C7: variants seen among roughly 807,000 people sequenced by gnomAD.
C7 encodes the protein complement C7.
A neutral mutation model predicts 104.8 loss-of-function variants in C7; 83 were observed. That is an observed-to-expected ratio of 0.79 (90% CI 0.66 to 0.95). The LOEUF (loss-of-function observed/expected upper bound fraction) is 0.95. Among genes scored for constraint, C7 ranks in the 40% least tolerant of loss-of-function variants. The pLI, the probability that C7 is intolerant of heterozygous loss-of-function variation, is 0.00. For missense variants in C7, 1,070 were observed against 1,011.2 expected, an observed-to-expected ratio of 1.06 and a Z score of -0.79; for synonymous variants, 415 against 360.6, an observed-to-expected ratio of 1.15 and a Z score of -1.71.
intron 1 of C7, among the ~76,000 whole-genome samples, chr5:40,913,500 A>T (rs1739255040): frequency 6.6e-6 from 1 of 151,924 alleles, no homozygotes; most frequent in Non-Finnish European, 1.5e-5. Context: ...TTATTTTTTG[A>T]CATTTTTAAA....
chr5:40,978,579 T>C (rs1406275984), intron 16 of C7, among the ~76,000 whole-genome samples: 1 of 152,194 alleles, frequency 6.6e-6, no homozygotes, highest in Non-Finnish European at 1.5e-5. Context: ...GATGAAAAGA[T>C]AGATTCAAAA....
chr5:40,981,572 A>C lies in C7; in HGVS notation c.2531A>C (p.Ter844SerextTer18). Residue 844 changes from the stop codon to serine, a stop_lost, in exon 18 of 18, where the codon TAG becomes TCG. Coordinates refer to ENST00000313164, the MANE Select transcript of C7 (RefSeq NM_000587.4). ...AGGCCTTGTGCTGCGGAAACCCAGT[A>C]GGCTCCTGGAGGCCCTGGTCAGCTT... ...SIRPCAAETQ* is the reference protein window; with the variant it reads ...SIRPCAAETQS 1 of 1,601,118 alleles carries C rather than the reference A, an allele frequency of 6.2e-7. No individual in the cohort carries two copies. Among genetic ancestry groups the C allele is most frequent in the Non-Finnish European group, 8.5e-7 (1 of 1,170,698 alleles).
chr5:40,939,180 A>G (rs1400503950), intron 6 of C7, among the ~76,000 whole-genome samples: 4 of 152,224 alleles, frequency 2.6e-5, no homozygotes, highest in African/African-American at 9.6e-5. Flanking sequence ...TTGATTATAA[A>G]TAGCAAACAT....
intron 1 of C7, among the ~76,000 whole-genome samples, chr5:40,918,757 A>C (rs1739378897): frequency 6.6e-6 from 1 of 152,112 alleles, no homozygotes; most frequent in Non-Finnish European, 1.5e-5. Context: ...AACAATTGTA[A>C]ATATATATGC....
At chr5:40,910,950 G>A (rs942764221) in intron 1 of C7, 2 of 151,946 alleles carry the variant, frequency 1.3e-5, no homozygotes, top group African/African-American at 4.8e-5. Context: ...TTAAAAACAT[G>A]TTTACAATCA....
intron 14 of C7, among the ~76,000 whole-genome samples, chr5:40,968,565 ATT>A (rs72086343): frequency 3.0e-5 from 2 of 65,956 alleles, no homozygotes; most frequent in African/African-American, 1.1e-4. Context: ...AATTATATAT[ATT>A]TTATATATAT....
In C7 at chr5:40,936,371, G is replaced by A. The variant is rs1408434720; in HGVS notation, c.314G>A (p.Gly105Glu). 2.2e-5 allele frequency: 36 copies of A among 1,613,250 alleles called. No homozygotes were observed. The highest frequency in any genetic ancestry group is 3.1e-5 in the Non-Finnish European group (36 of 1,179,500). ...ATCAGCAAATCATTGGTTTGCAATG[G>A]GGATTCTGACTGTGATGAAGACAGT... Reference protein sequence around the residue: ...QCISKSLVCNGDSDCDEDSAD... With the variant: ...QCISKSLVCNEDSDCDEDSAD... The change falls in exon 5 of 18, where the codon GGG (glycine) becomes GAG (glutamate). Residue 105 changes from glycine (G) to glutamate (E), a missense_variant. By Grantham distance (98) the Gly-to-Glu change is moderately conservative. Transcript: ENST00000313164.
At chr5:40,918,682 A>G in intron 1 of C7, among the ~76,000 whole-genome samples, 1 of 132,764 alleles carries the variant, frequency 7.5e-6, no homozygotes, top group South Asian at 2.2e-4. Context: ...TAAAGTCAAA[A>G]ACTGTAAAAA....
rs202140226 is a variant in C7, at chr5:40,964,843, C to T, written c.1852C>T (p.Arg618Trp). 1.1e-3 allele frequency: 1,719 copies of T among 1,613,624 alleles called. 1 individual carries two copies. The highest frequency in any genetic ancestry group is 1.3e-3 in the Non-Finnish European group (1,552 of 1,179,720). Residue 618 changes from arginine (R) to tryptophan (W), a missense_variant, in exon 14 of 18, where the codon CGG becomes TGG. Arg to Trp is a moderately radical substitution (Grantham distance 101). Transcript: ENST00000313164. ...AGTGGCCAGATGTGGAGAAGATTTACGGTGGCTTGTTGGGGAAATGCATTG... is the reference window on the plus strand; with the variant it reads ...AGTGGCCAGATGTGGAGAAGATTTATGGTGGCTTGTTGGGGAAATGCATTG... ...NPVARCGEDLRWLVGEMHCQK... is the reference protein window; with the variant it reads ...NPVARCGEDLWWLVGEMHCQK...
intron 1 of C7, among the ~76,000 whole-genome samples, chr5:40,915,302 G>A (rs1383405661): frequency 6.6e-6 from 1 of 152,154 alleles, no homozygotes; most frequent in Admixed American, 6.6e-5. Context: ...AGAGGAAAGA[G>A]GCAGCTTGGG....
At chr5:40,971,876 A>G (rs184177226) in intron 14 of C7, 1 of 192,702 alleles carries the variant, frequency 5.2e-6, no homozygotes, top group African/African-American at 2.4e-5. Flanking sequence ...GAGCCCAGGA[A>G]TTTGAGGCTG....
At chr5:40,964,452 A>AATATTGCC in intron 13 of C7, 1 of 203,482 alleles carries the variant, frequency 4.9e-6, no homozygotes, top group Admixed American at 6.0e-5. Context: ...GACAGTGTCC[A>AATATTGCC]AATAATTTTA....
intron 1 of C7, among the ~76,000 whole-genome samples, chr5:40,910,784 T>A (rs1579831105): frequency 7.5e-6 from 1 of 134,124 alleles, no homozygotes; most frequent in African/African-American, 2.8e-5. Flanking sequence ...AAGGTGAGAC[T>A]CTCTCTCAAA....
At chr5:40,925,381 T>C (rs1490406019) in intron 1 of C7, among the ~76,000 whole-genome samples, 4 of 152,218 alleles carry the variant, frequency 2.6e-5, no homozygotes. Context: ...CTCATTTCCA[T>C]CTGAGACTTC....
intron 3 of C7, 116 bp downstream of exon 3, chr5:40,931,255 ATGTT>A (rs1739677972): frequency 2.7e-6 from 2 of 729,144 alleles, no homozygotes; most frequent in South Asian, 3.3e-5. Context: ...TTTGAAAACT[ATGTT>A]TGTAATTTTG....
intron 16 of C7, among the ~76,000 whole-genome samples, chr5:40,978,760 G>T (rs1205440168): frequency 6.6e-6 from 1 of 151,150 alleles, no homozygotes; most frequent in African/African-American, 2.4e-5. Context: ...TGCCCTCCTT[G>T]TCTATCAGCA....
rs35360366 is a variant in C7, at chr5:40,954,877, CAAAAAAAAAAAA to C, written c.1094-493_1094-482del. The C allele has an allele frequency of 8.0e-4, 44 of 54,676 alleles. 1 individual carries two copies. Among genetic ancestry groups the C allele is most frequent in the Middle Eastern group, 0.014 (1 of 74 alleles). The allele number at this position is 54,676 out of a possible 1,614,324, so 3.4% of individuals were successfully genotyped here. On this transcript the variant is annotated intron_variant, in intron 9 of 17. Transcript: ENST00000313164. The stretch of plus-strand genomic sequence containing the variant: ...GGGCTACAGAGTGAGAATACTGTCT[CAAAAAAAAAAAA>C]AAAAAAAAAAAAAAAAGAAAACCAC...
At chr5:40,923,650 G>T (rs934984482) in intron 1 of C7, among the ~76,000 whole-genome samples, 4 of 152,104 alleles carry the variant, frequency 2.6e-5, no homozygotes, top group African/African-American at 9.7e-5. Flanking sequence ...GGAGGCTGAG[G>T]CAGGAGAATC....
At chr5:40,930,202 C>G (rs1739649716) in intron 2 of C7, among the ~76,000 whole-genome samples, 1 of 138,482 alleles carries the variant, frequency 7.2e-6, no homozygotes. Flanking sequence ...AATGACCTAC[C>G]TCTTTTTTTT....
Sources: allele counts gnomAD v4.1 joint callset (sites outside exome capture counted in the v4.1 genomes callset), GRCh38; gene constraint gnomAD v4.1.1; transcripts MANE v1.5; gene names NCBI Gene and HGNC (gene_info 2026-07-23, HGNC 2026-07-21).